The following CPVL variants were observed in gnomAD, a reference collection of about 807,000 sequenced individuals.
CPVL encodes carboxypeptidase vitellogenic like.
A neutral mutation model predicts 63.7 loss-of-function variants in CPVL; 51 were observed. The ratio of observed to expected loss-of-function variants is 0.80; its 90% CI spans 0.64 to 1.01. The LOEUF is 1.01. Ranked by LOEUF, CPVL falls within the 50% of genes least tolerant of loss-of-function variation. The pLI is 0.00. For missense variants in CPVL, 530 were observed against 573.1 expected (o/e 0.92, Z 0.77); for synonymous variants, 195 against 206.0 (o/e 0.95, Z 0.46).
chr7:29,075,519 T>TAAAAAAA lies in CPVL; in HGVS notation c.610-3103_610-3097dup, dbSNP rs10658501. ...TCTTTTCTATTGAGAAGATACTTCT[T>TAAAAAAA]AAAAAAAAAAAAAAAAAAGCCATCA... On this transcript the variant is annotated intron_variant, in intron 7 of 12. Transcript: ENST00000265394. Among the ~76,000 whole-genome samples the TAAAAAAA allele has an allele frequency of 1.6e-4, 21 of 128,962 alleles. 9 individuals are homozygous for TAAAAAAA. Among genetic ancestry groups the TAAAAAAA allele is most frequent in the East Asian group, 2.3e-4 (1 of 4,346 alleles). 84.6% of individuals were successfully genotyped at this position (128,962 alleles called of 152,430 possible). A position where few individuals can be genotyped will look rare whatever the true frequency, so the allele number is the denominator to read the frequency against.
chr7:29,135,523 G>A (rs895384078), intron 1 of CPVL, among the ~76,000 whole-genome samples: 7 of 151,746 alleles, frequency 4.6e-5, no homozygotes, highest in Admixed American at 6.6e-5. Flanking sequence ...TAGTAGAGAC[G>A]GGGTTTCACC....
chr7:29,146,246 T>A, intron 1 of CPVL, 183 bp downstream of exon 1: 1 of 220,744 alleles, frequency 4.5e-6, no homozygotes, highest in Non-Finnish European at 8.9e-6. Flanking sequence ...TCCCCAATGC[T>A]CCAATTTGAA....
intron 12 of CPVL, among the ~76,000 whole-genome samples, chr7:28,998,301 C>G (rs317698): frequency 0.86 from 130,474 of 152,232 alleles, 56,630 homozygotes; most frequent in African/African-American, 0.97. Context: ...GTCCGGAACA[C>G]CAATAAATTG....
chr7:29,064,129 T>G lies in CPVL; in HGVS notation c.1069A>C (p.Lys357Gln). Residue 357 changes from lysine (K) to glutamine (Q), a missense_variant, in exon 11 of 13, where the codon AAG (lysine) becomes CAG (glutamine). Physicochemically the swap from Lys to Gln is moderately conservative, Grantham distance 53 (BLOSUM62 1). Coordinates refer to ENST00000265394, the MANE Select transcript of CPVL (RefSeq NM_031311.5). The stretch of plus-strand genomic sequence containing the variant: ...TGTACTGTATCTTCTCGCAAGTACT[T>G]TTCAACTATAGTTCCATCATTAAAA... ...QTFNDGTIVE[K>Q]YLREDTVQSV... 1 of 1,613,516 alleles carries G rather than the reference T, an allele frequency of 6.2e-7. No individual in the cohort carries two copies. The highest frequency in any genetic ancestry group is 8.5e-7 in the Non-Finnish European group (1 of 1,179,418).
intron 3 of CPVL, among the ~76,000 whole-genome samples, chr7:29,096,970 G>C (rs1292895418): frequency 7.8e-6 from 1 of 128,478 alleles, no homozygotes; most frequent in East Asian, 2.3e-4. Context: ...GGGTGACAGA[G>C]CGAGACTCTG....
intron 5 of CPVL, among the ~76,000 whole-genome samples, chr7:29,168,224 G>C (rs982964388): frequency 3.3e-5 from 5 of 152,008 alleles, no homozygotes; most frequent in African/African-American, 1.2e-4. Flanking sequence ...CGGTTTATTT[G>C]TTTGTTTAAA....
chr7:29,172,099 C>T (rs998747983), intron 5 of CPVL, among the ~76,000 whole-genome samples: 14 of 152,134 alleles, frequency 9.2e-5, no homozygotes, highest in South Asian at 2.1e-4. Flanking sequence ...CACGTTTATA[C>T]GCTTGGATTA....
At chr7:29,048,364 A>C (rs900930406) in intron 11 of CPVL, among the ~76,000 whole-genome samples, 7 of 152,222 alleles carry the variant, frequency 4.6e-5, no homozygotes, top group African/African-American at 1.7e-4. Flanking sequence ...AGGGGTGGAA[A>C]AAGGCATTTC....
At chr7:29,077,976 C>T (rs1325020091) in intron 7 of CPVL, among the ~76,000 whole-genome samples, 1 of 152,120 alleles carries the variant, frequency 6.6e-6, no homozygotes, top group Non-Finnish European at 1.5e-5. Flanking sequence ...AGAAGTGTGG[C>T]CTTAAAATGG....
At chr7:29,041,366 C>G (rs533514462) in intron 11 of CPVL, among the ~76,000 whole-genome samples, 1 of 152,124 alleles carries the variant, frequency 6.6e-6, no homozygotes, top group Admixed American at 6.5e-5. Flanking sequence ...CATGAGCCAC[C>G]GCGCCTGGCC....
Position 29,175,567 on chromosome 7 carries a change from C to A in CPVL, c.-11+5723G>T, listed in dbSNP as rs182043051. Among the ~76,000 whole-genome samples the A allele has an allele frequency of 4.6e-5, 7 of 152,262 alleles. No individual in the cohort carries two copies. In the East Asian group the frequency reaches 1.4e-3, roughly 30 times the overall value. ...ATGTAAGACATTCCTTGCTCTTCCA[C>A]CATGATTGTGAGGCCTCCCCAGCCG... On this transcript the variant is annotated intron_variant, in intron 5 of 16. Transcript: ENST00000409850.
At chr7:29,086,165 G>A (rs947262327) in intron 7 of CPVL, among the ~76,000 whole-genome samples, 5 of 152,014 alleles carry the variant, frequency 3.3e-5, no homozygotes, top group African/African-American at 7.3e-5. Flanking sequence ...GGTGGCAGGC[G>A]CCTGTAATCT....
At chr7:29,086,578 A>C (rs1311761346) in intron 6 of CPVL, 28 bp from the exon 7 acceptor site, 2 of 1,489,468 alleles carry the variant, frequency 1.3e-6, no homozygotes, top group African/African-American at 2.8e-5. Flanking sequence ...AGAACAACAC[A>C]AATTAATCAG....
intron 7 of CPVL, among the ~76,000 whole-genome samples, chr7:29,085,238 A>G (rs1371178107): frequency 6.6e-6 from 1 of 152,238 alleles, no homozygotes; most frequent in Non-Finnish European, 1.5e-5. Flanking sequence ...AAGAAGTACA[A>G]GATGCTTCTG....
At chr7:29,060,233 C>T (rs1028651662) in intron 11 of CPVL, among the ~76,000 whole-genome samples, 1 of 152,172 alleles carries the variant, frequency 6.6e-6, no homozygotes, top group Admixed American at 6.5e-5. Context: ...TATATAATCT[C>T]ATTTAAACCT....
chr7:29,152,826 T>C (rs562191030), intron 5 of CPVL, among the ~76,000 whole-genome samples: 90 of 152,296 alleles, frequency 5.9e-4, no homozygotes, highest in Non-Finnish European at 1.6e-4. Flanking sequence ...CAAAATACAC[T>C]CGATCCTTGT....
At chr7:29,189,666 A>G (rs536911450) in intron 1 of CPVL, among the ~76,000 whole-genome samples, 2 of 146,226 alleles carry the variant, frequency 1.4e-5, no homozygotes, top group African/African-American at 5.1e-5. Context: ...AGAAAGAAAA[A>G]CTCTCTCTCT....
chr7:29,178,616 A>T (rs1297515289), intron 5 of CPVL, among the ~76,000 whole-genome samples: 4 of 152,102 alleles, frequency 2.6e-5, no homozygotes, highest in Non-Finnish European at 5.9e-5. Context: ...TAAAAAAAGC[A>T]GTTCATTGTC....
At chr7:29,024,427 T>G (rs977826463) in intron 12 of CPVL, among the ~76,000 whole-genome samples, 1 of 152,214 alleles carries the variant, frequency 6.6e-6, no homozygotes, top group Non-Finnish European at 1.5e-5. Context: ...GAAAGCTTAC[T>G]TAATGACATT....
Sources: gnomAD v4.1 joint callset for allele counts (sites outside exome capture counted in the v4.1 genomes callset) on GRCh38, gnomAD v4.1.1 for gene constraint, MANE v1.5 for transcripts, NCBI Gene and HGNC (gene_info 2026-07-23, HGNC 2026-07-21) for gene names.